PLPP2: variants seen among roughly 807,000 people sequenced by gnomAD.
The protein encoded by PLPP2 is phospholipid phosphatase 2.
In PLPP2, 29 loss-of-function variants were observed where a neutral mutation model predicts 35.2. The ratio of observed to expected loss-of-function variants is 0.82; its 90% confidence interval spans 0.61 to 1.12. PLPP2 has a LOEUF of 1.12. Among genes scored for constraint, PLPP2 ranks in the 50% most tolerant of loss-of-function variants. The pLI is 0.00. For synonymous variants in PLPP2, 162 were observed against 167.0 expected (o/e 0.97, Z 0.23); for missense variants, 353 against 375.2 (o/e 0.94, Z 0.49).
At chr19:291,018 G>C (rs1223553329) in intron 1 of PLPP2, 1 of 1,276,918 alleles carries the variant, frequency 7.8e-7, no homozygotes. Flanking sequence ...TCCTGCTGCC[G>C]GGGCGGGGGA....
At chr19:291,247 G>A (rs1959132785) in intron 1 of PLPP2, 38 bp downstream of exon 1, 1 of 1,598,392 alleles carries the variant, frequency 6.3e-7, no homozygotes. Flanking sequence ...TCCGTCCCGG[G>A]AGGGTCCCCC....
intron 1 of PLPP2, among the ~76,000 whole-genome samples, chr19:289,544 A>T (rs546741308): frequency 8.4e-4 from 127 of 152,020 alleles, no homozygotes; most frequent in Middle Eastern, 3.4e-3. Flanking sequence ...TGAAACCCCA[A>T]CTCTACTAAA....
rs372291960 is a variant in PLPP2, at chr19:288,110, G to C, written c.114C>G (p.Cys38Trp). The C allele has an allele frequency of 6.2e-7, 1 of 1,612,744 alleles. No homozygotes were observed. The highest frequency in any genetic ancestry group is 1.3e-5 in the African/African-American group (1 of 74,890). ...AGGGGTACCGGATGGAGTCATCCCC[G>C]CAGTAAAATCCTCGCTTGTACGGGG... ...VNAPYKRGFY[C>W]GDDSIRYPYR... The change falls in exon 2 of 6, where the codon TGC becomes TGG. Residue 38 changes from cysteine (C) to tryptophan (W), a missense_variant. Cys to Trp is a radical substitution (Grantham distance 215). Transcript: ENST00000434325.
At position 281,439 on chromosome 19, in the gene PLPP2, G is replaced by C. The variant is rs200386634; in HGVS notation, c.816C>G (p.Thr272=). 3 of 1,549,162 alleles carry C rather than the reference G, an allele frequency of 1.9e-6. No individual in the cohort carries two copies. Among genetic ancestry groups the C allele is most frequent in the East Asian group, 2.4e-5 (1 of 41,150 alleles). The change falls in exon 6 of 6, where the codon ACC becomes ACG. Residue 272 remains threonine (T), a synonymous_variant. Coordinates refer to ENST00000434325, the MANE Select transcript of PLPP2 (RefSeq NM_003712.4). Reference sequence around the variant, plus strand: ...AGTGGTTGTGGTCAGCCTCGCCCAGGGTCAACGTCAGTGACAGGCTGGGCT... The same window carrying C: ...AGTGGTTGTGGTCAGCCTCGCCCAGCGTCAACGTCAGTGACAGGCTGGGCT... The part of the protein sequence containing the change: ...ERKPSLSLTL[T]LGEADHNHYG...
In PLPP2 at chr19:287,777, TG is replaced by T. The variant is rs1568202962; in HGVS notation, c.205-27del. 1.2e-6 allele frequency: 2 copies of T among 1,611,502 alleles called. No individual in the cohort carries two copies. Among genetic ancestry groups the T allele is most frequent in the Admixed American group, 3.3e-5 (2 of 59,990 alleles). On this transcript the variant is annotated intron_variant, in intron 2 of 5. Coordinates refer to ENST00000434325, the MANE Select transcript of PLPP2 (RefSeq NM_003712.4). The surrounding 1 kb of genome is among the most constrained non-coding windows in gnomAD (Gnocchi z 4.3). ...CTGCAAGAGCAGCCGCAGGAACCAG[TG>T]GGGGTCTCGGTCGGCCCAGGGGCCC...
intron 3 of PLPP2, chr19:283,742 C>G (rs1970222035): frequency 6.6e-6 from 1 of 152,236 alleles, no homozygotes; most frequent in Non-Finnish European, 1.5e-5. Flanking sequence ...GAAGCAAAAG[C>G]TAAGGCAGAG....
intron 1 of PLPP2, chr19:290,991 G>A: frequency 1.6e-6 from 2 of 1,251,476 alleles, no homozygotes; most frequent in Non-Finnish European, 2.0e-6. Flanking sequence ...CGCGCGCGCG[G>A]CCCCTCCGCA....
At chr19:290,270 A>G (rs532781101) in intron 1 of PLPP2, among the ~76,000 whole-genome samples, 1 of 152,200 alleles carries the variant, frequency 6.6e-6, no homozygotes, top group African/African-American at 2.4e-5. Context: ...CCGGCAGGTG[A>G]CTCAGCACCT....
At chr19:285,932 C>T (rs185562164) in intron 3 of PLPP2, 2 of 152,266 alleles carry the variant, frequency 1.3e-5, no homozygotes, top group Admixed American at 1.3e-4. Flanking sequence ...CCACTGCACA[C>T]TGCACTCCAG....
In PLPP2 at chr19:287,926, G is replaced by T; in HGVS notation, c.204+94C>A. The T allele has an allele frequency of 6.5e-6, 10 of 1,540,600 alleles. No homozygotes were observed. Among genetic ancestry groups the T allele is most frequent in the Non-Finnish European group, 7.1e-6 (8 of 1,133,848 alleles). On this transcript the variant is annotated intron_variant, in intron 2 of 5. Transcript: ENST00000434325. This position sits in a 1 kb window ranked among gnomAD's most constrained non-coding sequence, Gnocchi z 4.3. ...CCCCCGGCCCCACACAGACCTCCAGGGCAGGGCTGTGCCACCCCCCCATCA... is the reference window on the plus strand; with the variant it reads ...CCCCCGGCCCCACACAGACCTCCAGTGCAGGGCTGTGCCACCCCCCCATCA...
chr19:291,341 C>T lies in PLPP2; in HGVS notation c.-5G>A. On this transcript the variant is annotated 5_prime_UTR_variant, in exon 1 of 6. Transcript: ENST00000434325. ...GAAGACCCACCTCCGCTGCATGGTC[C>T]CCGCGACCCCCGACGCCGGTCCCAG... is the stretch of plus-strand genomic sequence containing the variant. The T allele has an allele frequency of 6.3e-7, 1 of 1,589,374 alleles. No homozygotes were observed. The highest frequency in any genetic ancestry group is 8.5e-7 in the Non-Finnish European group (1 of 1,170,316).
chr19:287,777 T>C lies in PLPP2; in HGVS notation c.205-26A>G, dbSNP rs774089115. On this transcript the variant is annotated intron_variant, in intron 2 of 5. Transcript: ENST00000434325. The surrounding 1 kb of genome is among the most constrained non-coding windows in gnomAD (Gnocchi z 4.3). ...CTGCAAGAGCAGCCGCAGGAACCAGTGGGGGTCTCGGTCGGCCCAGGGGCC... is the reference window on the plus strand; with the variant it reads ...CTGCAAGAGCAGCCGCAGGAACCAGCGGGGGTCTCGGTCGGCCCAGGGGCC... 2 of 1,611,502 alleles carry C rather than the reference T, an allele frequency of 1.2e-6. No individual in the cohort carries two copies. Among genetic ancestry groups the C allele is most frequent in the Non-Finnish European group, 1.7e-6 (2 of 1,178,674 alleles).
rs1287601625 is a variant in PLPP2 at position 290,822 on chromosome 19, C to A, written c.52+463G>T. The A allele has an allele frequency of 7.6e-6, 6 of 791,942 alleles. No individual in the cohort carries two copies. The African/African-American group carries it at 1.1e-4, about 14-fold the overall frequency. 49.1% of individuals were successfully genotyped at this position (791,942 alleles called of 1,614,324 possible). ...TGCACGGGTTCGAATCCCGCCGACG[C>A]ACCGGGTGCCAGGACCGAGGGTCAG... On this transcript the variant is annotated intron_variant, in intron 1 of 5. Coordinates refer to ENST00000434325, the MANE Select transcript of PLPP2 (RefSeq NM_003712.4).
At position 287,896 on chromosome 19, in the gene PLPP2, T is replaced by C. The variant is rs1381635960; in HGVS notation, c.204+124A>G. On this transcript the variant is annotated intron_variant, in intron 2 of 5. Transcript: ENST00000434325. This position sits in a 1 kb window ranked among gnomAD's most constrained non-coding sequence, Gnocchi z 4.3. ...CCACAGGTACCACTCAGGGCAAGGC[T>C]GTGTCCCCCGGCCCCACACAGACCT... 4.0e-6 allele frequency: 6 copies of C among 1,508,922 alleles called. No individual in the cohort carries two copies. Among genetic ancestry groups the C allele is most frequent in the Non-Finnish European group, 5.4e-6 (6 of 1,117,154 alleles). The allele number at this position is 1,508,922 out of a possible 1,614,324, so 93.5% of individuals were successfully genotyped here.
chr19:288,337 G>A (rs2145276287), intron 1 of PLPP2, 166 bp from the exon 2 acceptor site: 1 of 595,982 alleles, frequency 1.7e-6, no homozygotes, highest in East Asian at 3.2e-5. Context: ...CATCCCCTCA[G>A]ACAAACACAA....
rs1274954402 is a variant in PLPP2 at position 281,389 on chromosome 19, C to G, written c.866G>C (p.Ter289SerextTer26). The G allele has an allele frequency of 7.1e-7, 1 of 1,402,084 alleles. No individual in the cohort carries two copies. The highest frequency in any genetic ancestry group is 2.7e-5 in the East Asian group (1 of 37,040). 86.9% of individuals were successfully genotyped at this position (1,402,084 alleles called of 1,614,324 possible). Residue 289 changes from the stop codon to serine, a stop_lost, in exon 6 of 6, where the codon TGA (stop) becomes TCA (serine). Coordinates refer to ENST00000434325, the MANE Select transcript of PLPP2 (RefSeq NM_003712.4). ...TCCCTGCCTGGGCGGGGTCCGGCCT[C>G]AGGAGGAGGAGTGCGGGTATCCATA... ...NHYGYPHSSS[*>S]
At chr19:288,957 A>G (rs2145277278) in intron 1 of PLPP2, among the ~76,000 whole-genome samples, 1 of 152,356 alleles carries the variant, frequency 6.6e-6, no homozygotes, top group African/African-American at 2.4e-5. Flanking sequence ...AAGGAAGGGC[A>G]CAGCTGAGAC....
chr19:282,161 C>A lies in PLPP2; in HGVS notation c.690G>T (p.Leu230=), dbSNP rs1970186190. The A allele has an allele frequency of 6.2e-7, 1 of 1,613,708 alleles. No homozygotes were observed. ...HHWSDVLVGL[L]QGALVAALTV... ...TGAGGGCAGCCACCAGTGCCCCCTGCAGGAGGCCAACAAGGACATCGCTCC... is the reference window on the plus strand; with the variant it reads ...TGAGGGCAGCCACCAGTGCCCCCTGAAGGAGGCCAACAAGGACATCGCTCC... The change falls in exon 5 of 6, where the codon CTG becomes CTT. Residue 230 remains leucine, a synonymous_variant. Coordinates refer to ENST00000434325, the MANE Select transcript of PLPP2 (RefSeq NM_003712.4).
chr19:290,082 C>T (rs1321946762), intron 1 of PLPP2, among the ~76,000 whole-genome samples: 4 of 152,134 alleles, frequency 2.6e-5, no homozygotes, highest in African/African-American at 4.8e-5. Context: ...ATTTAGCCCC[C>T]GGGAGCCCTC....
Sources: allele counts gnomAD v4.1 joint callset (sites outside exome capture counted in the v4.1 genomes callset), GRCh38; gene constraint gnomAD v4.1.1; non-coding constraint Gnocchi (gnomAD v3.1); transcripts MANE v1.5; gene names NCBI Gene and HGNC (gene_info 2026-07-23, HGNC 2026-07-21).